The following CA10 variants were observed in gnomAD, a reference collection of about 807,000 sequenced individuals.
The protein encoded by CA10 is carbonic anhydrase 10 (inactive).
A neutral mutation model predicts 44.2 loss-of-function variants in CA10; 14 were observed. The ratio of observed to expected loss-of-function variants is 0.32; its 90% CI spans 0.21 to 0.50. CA10 has a LOEUF of 0.50. Among genes scored for constraint, CA10 ranks in the 20% least tolerant of loss-of-function variants. The pLI is 0.99. For missense variants in CA10, 350 were observed against 409.7 expected, an observed-to-expected ratio of 0.85 and a Z score of 1.26; for synonymous variants, 159 against 141.6, an observed-to-expected ratio of 1.12 and a Z score of -0.87.
intron 4 of CA10, among the ~76,000 whole-genome samples, chr17:51,675,298 G>A (rs1410997364): frequency 6.6e-6 from 1 of 152,166 alleles, no homozygotes. Flanking sequence ...GGTGGCTCAT[G>A]CCTATAATCC....
chr17:52,157,146 C>T (rs532196210), intron 1 of CA10, among the ~76,000 whole-genome samples: 1 of 152,124 alleles, frequency 6.6e-6, no homozygotes, highest in Admixed American at 6.5e-5. Flanking sequence ...CACTGTAGTG[C>T]TTTAACAAGA....
At chr17:52,014,809 T>C (rs1383676579) in intron 2 of CA10, among the ~76,000 whole-genome samples, 1 of 152,012 alleles carries the variant, frequency 6.6e-6, no homozygotes, top group African/African-American at 2.4e-5. Context: ...AGTAACTAGA[T>C]GCTCATTTTC....
In CA10 at chr17:51,657,790, G is replaced by C. The variant is rs540968682; in HGVS notation, c.466-4054C>G. ...ATGATCAATAAGTGATTGTTCAACTGTCTGAGCAAGTGCATGATTTGACTA... is the reference window on the plus strand; with the variant it reads ...ATGATCAATAAGTGATTGTTCAACTCTCTGAGCAAGTGCATGATTTGACTA... On this transcript the variant is annotated intron_variant, in intron 4 of 8. Transcript: ENST00000451037. 3.9e-5 allele frequency among the ~76,000 whole-genome samples: 6 copies of C among 152,320 alleles called. No individual in the cohort carries two copies. The South Asian group carries it at 1.2e-3, about 32-fold the overall frequency.
chr17:52,064,432 G>A (rs981706284), intron 2 of CA10, among the ~76,000 whole-genome samples: 21 of 152,146 alleles, frequency 1.4e-4, no homozygotes, highest in Admixed American at 2.0e-4. Flanking sequence ...CATGAATTAA[G>A]GAATGAAGAG....
At chr17:51,657,474 G>A (rs753156230) in intron 4 of CA10, among the ~76,000 whole-genome samples, 10 of 152,148 alleles carry the variant, frequency 6.6e-5, no homozygotes, top group Admixed American at 2.6e-4. Flanking sequence ...ATGGGTCCAG[G>A]TGGGTCTGGA....
At chr17:51,900,253 T>C (rs1354530806) in intron 3 of CA10, among the ~76,000 whole-genome samples, 1 of 152,144 alleles carries the variant, frequency 6.6e-6, no homozygotes, top group Admixed American at 6.5e-5. Flanking sequence ...CATTTACTTG[T>C]CTAAAAAGAT....
chr17:51,849,188 T>TACATATATATACATATATGTATATAC (rs1195756724), intron 3 of CA10, among the ~76,000 whole-genome samples: 4 of 67,458 alleles, frequency 5.9e-5, no homozygotes, highest in African/African-American at 4.3e-4. Flanking sequence ...TATATGTATA[T>TACATATATATACATATATGTATATAC]ATATATATAC....
intron 4 of CA10, among the ~76,000 whole-genome samples, chr17:51,733,142 T>C (rs952346051): frequency 9.2e-5 from 14 of 152,236 alleles, no homozygotes; most frequent in Non-Finnish European, 1.9e-4. Flanking sequence ...GCAGGATTTG[T>C]TCTTGGGTGC....
chr17:51,649,184 TTA>T lies in CA10; in HGVS notation c.630_631del (p.Tyr210Ter). 6.2e-7 allele frequency: 1 copy of T among 1,610,616 alleles called. No homozygotes were observed. The highest frequency in any genetic ancestry group is 8.5e-7 in the Non-Finnish European group (1 of 1,176,798). On this transcript the variant is annotated stop_gained and frameshift_variant, in exon 6 of 9. Coordinates refer to ENST00000451037, the MANE Select transcript of CA10 (RefSeq NM_020178.5). LOFTEE classifies it high-confidence loss of function. The stretch of plus-strand genomic sequence containing the variant: ...GGAGGAAATTGAACCAAACTTACTT[TTA>T]TATGTTATTCTTGTGATAGTATCTC...
chr17:52,046,960 A>G (rs1034683904), intron 2 of CA10, among the ~76,000 whole-genome samples: 1 of 151,998 alleles, frequency 6.6e-6, no homozygotes, highest in Non-Finnish European at 1.5e-5. Context: ...AGATGCAGCA[A>G]TTCCTCTCCT....
chr17:51,911,767 T>C (rs1981798187), intron 3 of CA10, among the ~76,000 whole-genome samples: 2 of 152,180 alleles, frequency 1.3e-5, no homozygotes, highest in African/African-American at 2.4e-5. Context: ...GGGAACATCA[T>C]AGAAGTGATA....
Position 51,657,705 on chromosome 17 carries a change from T to C in CA10, c.466-3969A>G, listed in dbSNP as rs74518619. Among the ~76,000 whole-genome samples, 1,218 of 152,328 alleles carry C rather than the reference T, an allele frequency of 8.0e-3. 11 individuals are homozygous for C. Among genetic ancestry groups the C allele is most frequent in the African/African-American group, 0.027 (1,135 of 41,568 alleles). ...ATTTAGATGGGCCCTAAGCTATACCTTAACTGAGCCCCAACTTTAAGGCTT... is the reference window on the plus strand; with the variant it reads ...ATTTAGATGGGCCCTAAGCTATACCCTAACTGAGCCCCAACTTTAAGGCTT... On this transcript the variant is annotated intron_variant, in intron 4 of 8. Transcript: ENST00000451037.
intron 3 of CA10, among the ~76,000 whole-genome samples, chr17:51,758,479 A>G (rs1297849739): frequency 1.3e-5 from 2 of 152,146 alleles, no homozygotes; most frequent in East Asian, 1.9e-4. Flanking sequence ...CATCCAACCC[A>G]AGGATACCAT....
At chr17:51,639,588 C>T (rs1457175718) in intron 6 of CA10, among the ~76,000 whole-genome samples, 1 of 152,188 alleles carries the variant, frequency 6.6e-6, no homozygotes, top group Non-Finnish European at 1.5e-5. Context: ...TTGTCCACTC[C>T]CTCTCCAAGA....
chr17:51,669,130 C>T (rs979848371), intron 4 of CA10, among the ~76,000 whole-genome samples: 1 of 152,246 alleles, frequency 6.6e-6, no homozygotes, highest in African/African-American at 2.4e-5. Flanking sequence ...CTGAGGAGTG[C>T]AGGCGCGGGA....
intron 1 of CA10, among the ~76,000 whole-genome samples, chr17:52,088,235 T>A (rs1280821043): frequency 2.0e-5 from 3 of 151,392 alleles, no homozygotes; most frequent in African/African-American, 2.4e-5. Context: ...AAAAAAAGTT[T>A]AAAAAAAAAG....
intron 1 of CA10, among the ~76,000 whole-genome samples, chr17:52,073,448 T>C (rs1013736137): frequency 3.3e-5 from 5 of 152,218 alleles, no homozygotes; most frequent in Non-Finnish European, 4.4e-5. Flanking sequence ...CTTCCTATGA[T>C]ATTAAGAGCC....
chr17:52,123,487 C>G (rs756629131), intron 1 of CA10, among the ~76,000 whole-genome samples: 8 of 151,830 alleles, frequency 5.3e-5, no homozygotes, highest in Non-Finnish European at 1.2e-4. Context: ...ATGTAGGAAC[C>G]ATTGTTTTGT....
At chr17:51,872,582 T>G (rs1041759658) in intron 3 of CA10, among the ~76,000 whole-genome samples, 1 of 152,182 alleles carries the variant, frequency 6.6e-6, no homozygotes, top group African/African-American at 2.4e-5. Flanking sequence ...GAACTCCAAA[T>G]GTAGAAAGGA....
Sources: allele counts gnomAD v4.1 joint callset (sites outside exome capture counted in the v4.1 genomes callset), GRCh38; gene constraint gnomAD v4.1.1; transcripts MANE v1.5; gene names NCBI Gene and HGNC (gene_info 2026-07-23, HGNC 2026-07-21).